The following GPRIN3 variants were observed in gnomAD, a reference collection of about 807,000 sequenced individuals.
GPRIN3 encodes the protein GPRIN family member 3, also known as G protein-regulated inducer of neurite outgrowth 3.
In GPRIN3, 12 loss-of-function variants were observed where a neutral mutation model predicts 13.7. The observed-to-expected ratio is 0.87, with a 90% confidence interval of 0.56 to 1.42. The LOEUF (loss-of-function observed/expected upper bound fraction) is 1.42. Among genes scored for constraint, GPRIN3 ranks in the 40% most tolerant of loss-of-function variants. GPRIN3 has a pLI of 0.00. For synonymous variants in GPRIN3, 377 were observed against 372.7 expected (o/e 1.01, Z -0.13); for missense variants, 1,009 against 958.7 (o/e 1.05, Z -0.69).
rs1056199827 is a variant in GPRIN3, at chr4:89,243,560, A to C, written c.*4220T>G. The C allele has an allele frequency of 4.6e-5, 7 of 152,338 alleles. No homozygotes were observed. The South Asian group carries it at 1.4e-3, about 32-fold the overall frequency. The allele number at this position is 152,338 out of a possible 1,614,324, so 9.4% of individuals were successfully genotyped here. A position where few individuals can be genotyped will look rare whatever the true frequency, so the allele number is the denominator to read the frequency against. ...TGTTTGACTTCTGATTTCACCATGT[A>C]CACAAAAACAGAGTGGGAATAAGGT... On this transcript the variant is annotated 3_prime_UTR_variant, in exon 2 of 2. Transcript: ENST00000609438.
At chr4:89,271,979 G>C (rs1049845574) in intron 1 of GPRIN3, among the ~76,000 whole-genome samples, 1 of 152,128 alleles carries the variant, frequency 6.6e-6, no homozygotes, top group African/African-American at 2.4e-5. Context: ...AGACCCCGGA[G>C]TACTCCAAAA....
chr4:89,245,911 A>T lies in GPRIN3; in HGVS notation c.*1869T>A, dbSNP rs965467179. ...ATAGACACCAATGGGTAAGAAACTG[A>T]AAAATGTGCCTTATTAAAAAATTCC... is the stretch of plus-strand genomic sequence containing the variant. On this transcript the variant is annotated 3_prime_UTR_variant, in exon 2 of 2. Coordinates refer to ENST00000609438, the MANE Select transcript of GPRIN3 (RefSeq NM_198281.3). The T allele has an allele frequency of 1.3e-5, 2 of 152,254 alleles. No individual in the cohort carries two copies. Among genetic ancestry groups the T allele is most frequent in the African/African-American group, 4.8e-5 (2 of 41,470 alleles). 9.4% of individuals were successfully genotyped at this position (152,254 alleles called of 1,614,324 possible). A position where few individuals can be genotyped will look rare whatever the true frequency, so the allele number is the denominator to read the frequency against.
At chr4:89,287,683 C>T (rs1272657360) in intron 1 of GPRIN3, among the ~76,000 whole-genome samples, 1 of 152,090 alleles carries the variant, frequency 6.6e-6, no homozygotes, top group Non-Finnish European at 1.5e-5. Context: ...ACTTCAATGC[C>T]AGGTTAAGAA....
At chr4:89,302,374 C>A (rs1328690051) in intron 1 of GPRIN3, among the ~76,000 whole-genome samples, 1 of 152,154 alleles carries the variant, frequency 6.6e-6, no homozygotes, top group Non-Finnish European at 1.5e-5. Flanking sequence ...CATCTGTAAT[C>A]ATTTATTTCT....
At chr4:89,298,710 T>A (rs1724810278) in intron 1 of GPRIN3, among the ~76,000 whole-genome samples, 1 of 152,098 alleles carries the variant, frequency 6.6e-6, no homozygotes, top group Non-Finnish European at 1.5e-5. Context: ...GATACAGATT[T>A]ATTAAATGAT....
intron 1 of GPRIN3, among the ~76,000 whole-genome samples, chr4:89,273,719 C>T (rs1334326576): frequency 3.3e-5 from 5 of 152,132 alleles, no homozygotes; most frequent in Non-Finnish European, 7.4e-5. Flanking sequence ...AAACACATGC[C>T]TCATGATTAC....
intron 1 of GPRIN3, among the ~76,000 whole-genome samples, chr4:89,270,635 G>C (rs1723924252): frequency 8.0e-6 from 1 of 125,392 alleles, no homozygotes; most frequent in African/African-American, 3.0e-5. Context: ...CAACCTTCTG[G>C]CTCAAGCGAT....
chr4:89,271,449 C>T (rs898699638), intron 1 of GPRIN3, among the ~76,000 whole-genome samples: 5 of 152,068 alleles, frequency 3.3e-5, no homozygotes, highest in East Asian at 1.9e-4. Context: ...TTAAACAAAA[C>T]GTAGTATTTG....
intron 1 of GPRIN3, among the ~76,000 whole-genome samples, chr4:89,264,518 T>G (rs9307066): frequency 0.03 from 4,591 of 152,272 alleles, 205 homozygotes; most frequent in African/African-American, 0.1. Context: ...TTTGGCTGCC[T>G]TCTCTTCCCT....
chr4:89,258,299 C>T (rs977187022), intron 1 of GPRIN3, among the ~76,000 whole-genome samples: 2 of 151,690 alleles, frequency 1.3e-5, no homozygotes, highest in African/African-American at 4.8e-5. Context: ...AACCTGCAAC[C>T]TCCACCTCCT....
chr4:89,245,409 C>T lies in GPRIN3; in HGVS notation c.*2371G>A, dbSNP rs1346178493. 6.6e-6 allele frequency: 1 copy of T among 152,216 alleles called. No homozygotes were observed. Among genetic ancestry groups the T allele is most frequent in the Non-Finnish European group, 1.5e-5 (1 of 68,046 alleles). The allele number at this position is 152,216 out of a possible 1,614,324, so 9.4% of individuals were successfully genotyped here. ...GACATAACCACAATAGCAAATCTAGCAATTTTAATGTATTTAATGTGAGAC... is the reference window on the plus strand; with the variant it reads ...GACATAACCACAATAGCAAATCTAGTAATTTTAATGTATTTAATGTGAGAC... On this transcript the variant is annotated 3_prime_UTR_variant, in exon 2 of 2. Transcript: ENST00000609438.
chr4:89,247,507 A>G lies in GPRIN3; in HGVS notation c.*273T>C, dbSNP rs1181315381. On this transcript the variant is annotated 3_prime_UTR_variant, in exon 2 of 2. Coordinates refer to ENST00000609438, the MANE Select transcript of GPRIN3 (RefSeq NM_198281.3). Reference sequence around the variant, plus strand: ...TTTCTATGAACAACATCATATTTTTAAAAACCCAGTGAGTATTATTTTCAA... The same window carrying G: ...TTTCTATGAACAACATCATATTTTTGAAAACCCAGTGAGTATTATTTTCAA... 1 of 363,436 alleles carries G rather than the reference A, an allele frequency of 2.8e-6. No individual in the cohort carries two copies. Among genetic ancestry groups the G allele is most frequent in the East Asian group, 4.8e-5 (1 of 21,012 alleles). 22.5% of individuals were successfully genotyped at this position (363,436 alleles called of 1,614,324 possible). A position where few individuals can be genotyped will look rare whatever the true frequency, so the allele number is the denominator to read the frequency against.
intron 1 of GPRIN3, among the ~76,000 whole-genome samples, chr4:89,306,879 T>A (rs1372524420): frequency 6.6e-6 from 1 of 152,218 alleles, no homozygotes; most frequent in African/African-American, 2.4e-5. Context: ...TTTTTCCCTC[T>A]TTCACTGTCC....
chr4:89,272,731 T>G (rs1330908591), intron 1 of GPRIN3, among the ~76,000 whole-genome samples: 1 of 152,206 alleles, frequency 6.6e-6, no homozygotes, highest in African/African-American at 2.4e-5. Context: ...AACAACCCAG[T>G]ACACACATTC....
At chr4:89,281,962 C>CTT (rs34213357) in intron 1 of GPRIN3, among the ~76,000 whole-genome samples, 12 of 136,540 alleles carry the variant, frequency 8.8e-5, no homozygotes, top group Non-Finnish European at 1.4e-4. Context: ...ATGCAGTCAT[C>CTT]TTTTTTTTTT....
intron 1 of GPRIN3, among the ~76,000 whole-genome samples, chr4:89,293,867 T>C (rs995408380): frequency 9.2e-5 from 14 of 152,376 alleles, no homozygotes; most frequent in South Asian, 4.1e-4. Flanking sequence ...TTCTAAGTGA[T>C]AGGGATTCCA....
chr4:89,260,163 T>C (rs1264534745), intron 1 of GPRIN3, among the ~76,000 whole-genome samples: 1 of 152,158 alleles, frequency 6.6e-6, no homozygotes, highest in Non-Finnish European at 1.5e-5. Context: ...GCAATATTTA[T>C]ACAGTGAGGA....
At chr4:89,267,765 G>A (rs1723820503) in intron 1 of GPRIN3, among the ~76,000 whole-genome samples, 1 of 152,150 alleles carries the variant, frequency 6.6e-6, no homozygotes, top group South Asian at 2.1e-4. Context: ...GACTTTAAAT[G>A]ATAGGGAAGA....
intron 1 of GPRIN3, among the ~76,000 whole-genome samples, chr4:89,259,545 A>T (rs577921117): frequency 6.6e-6 from 1 of 152,322 alleles, no homozygotes; most frequent in Non-Finnish European, 1.5e-5. Context: ...CCTGTGTTAG[A>T]TATGATCAAA....
Sources: allele counts gnomAD v4.1 joint callset (sites outside exome capture counted in the v4.1 genomes callset), GRCh38; gene constraint gnomAD v4.1.1; transcripts MANE v1.5; gene names NCBI Gene and HGNC (gene_info 2026-07-23, HGNC 2026-07-21).